KALRN: variants seen among roughly 807,000 people sequenced by gnomAD.
KALRN encodes kalirin RhoGEF kinase, also known as kalirin.
KALRN carries 70 observed loss-of-function variants against 353.7 expected under a neutral mutation model. The observed-to-expected ratio is 0.20, with a 90% CI of 0.16 to 0.24. The LOEUF (loss-of-function observed/expected upper bound fraction) is 0.24. Among genes scored for constraint, KALRN ranks in the 10% least tolerant of loss-of-function variants. KALRN has a pLI of 1.00. For synonymous variants in KALRN, 1,391 were observed against 1,434.8 expected, an observed-to-expected ratio of 0.97 and a Z score of 0.69; for missense variants, 2,791 against 3,756.7, an observed-to-expected ratio of 0.74 and a Z score of 6.72.
chr3:124,505,538 TG>T (rs1340246006), intron 33 of KALRN, among the ~76,000 whole-genome samples: 1 of 151,992 alleles, frequency 6.6e-6, no homozygotes, highest in Non-Finnish European at 1.5e-5. Context: ...GAGGCTGAGG[TG>T]GGAGGACTGC....
At chr3:124,196,381 T>C (rs913906680) in intron 1 of KALRN, among the ~76,000 whole-genome samples, 1 of 152,018 alleles carries the variant, frequency 6.6e-6, no homozygotes, top group Non-Finnish European at 1.5e-5. Flanking sequence ...ATTTCCTAGA[T>C]TGGAGAGGCT....
At chr3:124,432,316 A>G (rs1421387024) in intron 16 of KALRN, among the ~76,000 whole-genome samples, 1 of 152,142 alleles carries the variant, frequency 6.6e-6, no homozygotes. Context: ...CGGGAGGCTG[A>G]GGCAGGATAA....
intron 1 of KALRN, among the ~76,000 whole-genome samples, chr3:124,126,292 T>C (rs2064663679): frequency 6.6e-6 from 1 of 152,182 alleles, no homozygotes; most frequent in African/African-American, 2.4e-5. Flanking sequence ...TCCTTTATTT[T>C]TTTCCTCAAT....
intron 37 of KALRN, among the ~76,000 whole-genome samples, chr3:124,646,390 A>ATTTTTTTTTTTTTTTT: frequency 1.1e-5 from 1 of 94,662 alleles, no homozygotes; most frequent in Non-Finnish European, 2.1e-5. Context: ...TCTTTTGTTT[A>ATTTTTTTTTTTTTTTT]CTTTTTTTTT....
chr3:124,515,521 G>T (rs2066436679), intron 33 of KALRN, among the ~76,000 whole-genome samples: 1 of 152,174 alleles, frequency 6.6e-6, no homozygotes, highest in African/African-American at 2.4e-5. Context: ...ATAAAGAAAA[G>T]ACCTCTGTGC....
At chr3:124,552,630 G>A (rs1321806755) in intron 33 of KALRN, among the ~76,000 whole-genome samples, 2 of 152,152 alleles carry the variant, frequency 1.3e-5, no homozygotes, top group African/African-American at 4.8e-5. Context: ...GCCCTACAAA[G>A]GGAAATTATA....
intron 36 of KALRN, 93 bp downstream of exon 36, chr3:124,634,046 C>A: frequency 1.1e-6 from 1 of 895,034 alleles, no homozygotes; most frequent in Non-Finnish European, 1.8e-6. Flanking sequence ...CTCTTTCTCC[C>A]ATGTTATCTC....
intron 25 of KALRN, among the ~76,000 whole-genome samples, chr3:124,469,731 C>A (rs2060701577): frequency 6.6e-6 from 1 of 152,124 alleles, no homozygotes; most frequent in Non-Finnish European, 1.5e-5. Flanking sequence ...CACAACAGGC[C>A]CCTTCCCCTA....
At chr3:124,505,885 C>T (rs1203301045) in intron 33 of KALRN, among the ~76,000 whole-genome samples, 1 of 152,042 alleles carries the variant, frequency 6.6e-6, no homozygotes, top group Non-Finnish European at 1.5e-5. Flanking sequence ...TTTTTGTGAT[C>T]TTGAGCTTGG....
chr3:124,625,094 G>A (rs1158634463), intron 34 of KALRN, among the ~76,000 whole-genome samples: 1 of 151,970 alleles, frequency 6.6e-6, no homozygotes, highest in African/African-American at 2.4e-5. Context: ...TGCTTCTCTG[G>A]GTCTAGACAT....
intron 39 of KALRN, among the ~76,000 whole-genome samples, chr3:124,655,907 G>T (rs1250989135): frequency 6.6e-6 from 1 of 152,192 alleles, no homozygotes; most frequent in Non-Finnish European, 1.5e-5. Flanking sequence ...GGAGCCTCTT[G>T]GTTAGAGTGG....
chr3:124,668,866 T>C lies in KALRN; in HGVS notation c.6703+1683T>C, dbSNP rs368178856. On this transcript the variant is annotated intron_variant, in intron 47 of 59. Transcript: ENST00000682506. ...AAAAATGTGTTCATATATAAAAATA[T>C]CTGTTTAAATTGCATTCTATTAGGA... Among the ~76,000 whole-genome samples the C allele has an allele frequency of 2.0e-3, 300 of 152,300 alleles. 3 individuals are homozygous for C. Among genetic ancestry groups the C allele is most frequent in the African/African-American group, 7.0e-3 (293 of 41,576 alleles).
chr3:124,238,482 G>C (rs2080060536), intron 3 of KALRN, among the ~76,000 whole-genome samples: 1 of 152,160 alleles, frequency 6.6e-6, no homozygotes. Context: ...TTGAAGGTGG[G>C]CTTAGATAAC....
intron 1 of KALRN, among the ~76,000 whole-genome samples, chr3:124,172,239 C>T (rs2071943398): frequency 6.6e-6 from 1 of 152,194 alleles, no homozygotes; most frequent in African/African-American, 2.4e-5. Context: ...CACCCCTACC[C>T]CATTCCCCTT....
At chr3:124,640,314 T>G (rs554583559) in intron 37 of KALRN, among the ~76,000 whole-genome samples, 12 of 141,366 alleles carry the variant, frequency 8.5e-5, no homozygotes, top group African/African-American at 3.2e-4. Context: ...TGAGACAGAG[T>G]CTCACTCTGT....
chr3:124,154,500 TC>T (rs2068677955), intron 1 of KALRN, among the ~76,000 whole-genome samples: 1 of 152,164 alleles, frequency 6.6e-6, no homozygotes, highest in Admixed American at 6.5e-5. Flanking sequence ...ATGAGTGAAC[TC>T]CCATTCACAA....
chr3:124,282,878 C>G (rs1560454279), intron 5 of KALRN, among the ~76,000 whole-genome samples: 1 of 152,194 alleles, frequency 6.6e-6, no homozygotes, highest in Non-Finnish European at 1.5e-5. Context: ...CCTGCATGGC[C>G]CCTTACCTGT....
intron 5 of KALRN, among the ~76,000 whole-genome samples, chr3:124,293,623 A>G (rs545330868): frequency 6.6e-6 from 1 of 152,324 alleles, no homozygotes; most frequent in African/African-American, 2.4e-5. Context: ...CAAAACCCCA[A>G]AAGAAAAGGA....
At chr3:124,430,876 G>A (rs1022150548) in intron 16 of KALRN, 101 bp downstream of exon 16, 10 of 1,390,244 alleles carry the variant, frequency 7.2e-6, no homozygotes, top group South Asian at 1.4e-5. Context: ...GGCAGCGAAG[G>A]CTGTACCCCT....
Sources: allele counts gnomAD v4.1 joint callset (sites outside exome capture counted in the v4.1 genomes callset), GRCh38; gene constraint gnomAD v4.1.1; transcripts MANE v1.5; gene names NCBI Gene and HGNC (gene_info 2026-07-23, HGNC 2026-07-21).